The following UBE4B variants were observed in gnomAD, a reference collection of about 807,000 sequenced individuals.
UBE4B encodes the protein ubiquitination factor E4B.
UBE4B carries 27 observed loss-of-function variants against 148.1 expected under a neutral mutation model. The observed-to-expected ratio is 0.18, with a 90% CI of 0.13 to 0.25. The LOEUF is 0.25. Among genes scored for constraint, UBE4B ranks in the 10% least tolerant of loss-of-function variants. UBE4B has a pLI of 1.00. For missense variants in UBE4B, 1,170 were observed against 1,662.4 expected (o/e 0.70, Z 5.15); for synonymous variants, 596 against 619.3 (o/e 0.96, Z 0.56).
At chr1:10,159,206 A>G (rs115659120) in intron 22 of UBE4B, among the ~76,000 whole-genome samples, 2,655 of 152,260 alleles carry the variant, frequency 0.017, 34 homozygotes, top group Non-Finnish European at 0.027. Flanking sequence ...TTAAAGTATC[A>G]TTCTTTGTGG....
chr1:10,107,625 C>G (rs570445911), intron 7 of UBE4B, among the ~76,000 whole-genome samples: 1 of 148,440 alleles, frequency 6.7e-6, no homozygotes, highest in Admixed American at 6.8e-5. Flanking sequence ...TTGCCCAGGC[C>G]GGAGTGCAAT....
chr1:10,045,076 G>A (rs1352488331), intron 1 of UBE4B, among the ~76,000 whole-genome samples: 5 of 152,104 alleles, frequency 3.3e-5, no homozygotes, highest in South Asian at 2.1e-4. Context: ...TAGATCCCTC[G>A]CGTGCAGAAC....
intron 15 of UBE4B, among the ~76,000 whole-genome samples, chr1:10,133,121 G>A (rs1024903917): frequency 1.3e-5 from 2 of 150,790 alleles, no homozygotes; most frequent in African/African-American, 5.0e-5. Context: ...AGCTGCAAGG[G>A]CGTGAGTGCT....
rs1294790508 is a variant in UBE4B, at chr1:10,156,244, T to C, written c.2927-2112T>C. 1.3e-4 allele frequency among the ~76,000 whole-genome samples: 19 copies of C among 145,888 alleles called. No homozygotes were observed. In the East Asian group the frequency reaches 2.5e-3, roughly 19 times the overall value. On this transcript the variant is annotated intron_variant, in intron 21 of 27. Coordinates refer to ENST00000343090, the MANE Select transcript of UBE4B (RefSeq NM_001105562.3). Reference sequence around the variant, plus strand: ...GTTTTGTTTCATTTTCTTTTCTTTTTTTTTTTTTTTTTTGAGCTAGGGTCT... The same window carrying C: ...GTTTTGTTTCATTTTCTTTTCTTTTCTTTTTTTTTTTTTGAGCTAGGGTCT...
In UBE4B at chr1:10,094,472, T is replaced by C. The variant is rs952728644; in HGVS notation, c.212-989T>C. On this transcript the variant is annotated intron_variant, in intron 2 of 27. Coordinates refer to ENST00000343090, the MANE Select transcript of UBE4B (RefSeq NM_001105562.3). ...TTTTTTAGACGGAGTCTTGCTCTGT[T>C]GCCCAGGCTGGAGTGCAATGGCGCA... is the stretch of plus-strand genomic sequence containing the variant. Among the ~76,000 whole-genome samples the C allele has an allele frequency of 6.6e-5, 10 of 151,836 alleles. No individual in the cohort carries two copies. In the South Asian group the frequency reaches 8.3e-4, roughly 13 times the overall value.
At position 10,106,645 on chromosome 1, in the gene UBE4B, G is replaced by A; in HGVS notation, c.1196+62G>A. The A allele has an allele frequency of 2.7e-6, 4 of 1,478,684 alleles. No individual in the cohort carries two copies. The highest frequency in any genetic ancestry group is 3.6e-6 in the Non-Finnish European group (4 of 1,122,786). 91.6% of individuals were successfully genotyped at this position (1,478,684 alleles called of 1,614,324 possible). A position where few individuals can be genotyped will look rare whatever the true frequency, so the allele number is the denominator to read the frequency against. ...GGTGCAGGGAAAGGAGATTAACACG[G>A]TTTGGAAGAAGTGCTGTGTGACACT... On this transcript the variant is annotated intron_variant, in intron 7 of 27. Transcript: ENST00000343090. This position sits in a 1 kb window ranked among gnomAD's most constrained non-coding sequence, Gnocchi z 4.2.
intron 9 of UBE4B, 83 bp downstream of exon 9, chr1:10,119,696 G>A: frequency 1.6e-6 from 2 of 1,252,672 alleles, no homozygotes; most frequent in South Asian, 1.2e-5. Context: ...GGCCATTCTT[G>A]CACCACCTTA....
At chr1:10,121,160 T>G (rs1645403482) in intron 9 of UBE4B, among the ~76,000 whole-genome samples, 1 of 151,604 alleles carries the variant, frequency 6.6e-6, no homozygotes, top group Non-Finnish European at 1.5e-5. Flanking sequence ...AGGTTAGGAG[T>G]TTGGGACCAA....
intron 1 of UBE4B, among the ~76,000 whole-genome samples, chr1:10,050,978 A>G (rs887556061): frequency 1.1e-4 from 16 of 152,186 alleles, no homozygotes; most frequent in Non-Finnish European, 2.1e-4. Flanking sequence ...GTTCTAATTC[A>G]GAGTCAGACA....
At chr1:10,093,701 T>C (rs924461474) in intron 2 of UBE4B, among the ~76,000 whole-genome samples, 50 of 151,966 alleles carry the variant, frequency 3.3e-4, no homozygotes, top group Non-Finnish European at 5.9e-4. Flanking sequence ...CTTTTTTTTT[T>C]CTTTTTTTTT....
chr1:10,039,330 G>A (rs1402937013), intron 1 of UBE4B, among the ~76,000 whole-genome samples: 2 of 152,134 alleles, frequency 1.3e-5, no homozygotes, highest in African/African-American at 2.4e-5. Context: ...TCAAGAAACA[G>A]CAGCAAGTAG....
At chr1:10,037,334 G>A (rs778204367) in intron 1 of UBE4B, among the ~76,000 whole-genome samples, 1 of 151,536 alleles carries the variant, frequency 6.6e-6, no homozygotes, top group Non-Finnish European at 1.5e-5. Flanking sequence ...GTAGTCTTGT[G>A]CTTTTAAGTA....
intron 2 of UBE4B, among the ~76,000 whole-genome samples, chr1:10,081,515 C>G (rs1336768548): frequency 3.3e-5 from 5 of 151,976 alleles, no homozygotes; most frequent in Non-Finnish European, 7.4e-5. Context: ...GCCTCAACCT[C>G]CCAGGCTCAA....
intron 2 of UBE4B, among the ~76,000 whole-genome samples, chr1:10,094,566 T>C (rs902484238): frequency 4.6e-5 from 7 of 151,838 alleles, no homozygotes; most frequent in Non-Finnish European, 7.4e-5. Context: ...CCTGAGTAGC[T>C]GGGACTACAG....
At chr1:10,125,448 C>T (rs1352666584) in intron 10 of UBE4B, among the ~76,000 whole-genome samples, 2 of 152,196 alleles carry the variant, frequency 1.3e-5, no homozygotes, top group Non-Finnish European at 2.9e-5. Flanking sequence ...TGATCTCTTC[C>T]AGAGCTGTAT....
At chr1:10,151,235 C>CT in intron 20 of UBE4B, 91 bp from the exon 21 acceptor site, 1 of 1,186,954 alleles carries the variant, frequency 8.4e-7, no homozygotes, top group Non-Finnish European at 1.2e-6. Context: ...CTGCCTTCCC[C>CT]TCCTCACTTA....
intron 8 of UBE4B, among the ~76,000 whole-genome samples, chr1:10,117,893 G>A (rs1245332653): frequency 6.6e-6 from 1 of 152,154 alleles, no homozygotes; most frequent in African/African-American, 2.4e-5. Flanking sequence ...GACTCATATG[G>A]CCCTGATAAT....
At chr1:10,088,357 A>G (rs529551195) in intron 2 of UBE4B, among the ~76,000 whole-genome samples, 11 of 152,118 alleles carry the variant, frequency 7.2e-5, no homozygotes, top group Admixed American at 7.2e-4. Flanking sequence ...TTGAAATGTC[A>G]TTTTATTTTA....
chr1:10,088,056 A>G (rs1644790750), intron 2 of UBE4B, among the ~76,000 whole-genome samples: 1 of 152,188 alleles, frequency 6.6e-6, no homozygotes. Flanking sequence ...TCCTTGGTCC[A>G]TTTGACATGC....
Sources: gnomAD v4.1 joint callset for allele counts (sites outside exome capture counted in the v4.1 genomes callset) on GRCh38, gnomAD v4.1.1 for gene constraint, Gnocchi (gnomAD v3.1) non-coding constraint, MANE v1.5 for transcripts, NCBI Gene and HGNC (gene_info 2026-07-23, HGNC 2026-07-21) for gene names.